SLC35F1: variants seen among roughly 807,000 people sequenced by gnomAD.
The protein encoded by SLC35F1 is solute carrier family 35 member F1, also known as chromosome 6 open reading frame 169.
In SLC35F1, 14 loss-of-function variants were observed where a neutral mutation model predicts 48.7. The observed-to-expected ratio is 0.29, with a 90% CI of 0.19 to 0.45. The LOEUF is 0.45. SLC35F1 is among the 20% of genes least tolerant of loss of function. SLC35F1 has a pLI of 1.00. For synonymous variants in SLC35F1, 190 were observed against 202.2 expected, an observed-to-expected ratio of 0.94 and a Z score of 0.51; for missense variants, 404 against 500.0, an observed-to-expected ratio of 0.81 and a Z score of 1.83.
chr6:118,269,587 A>G (rs1489645842), intron 4 of SLC35F1, among the ~76,000 whole-genome samples: 1 of 152,242 alleles, frequency 6.6e-6, no homozygotes, highest in East Asian at 1.9e-4. Context: ...TTTGAGGTCA[A>G]TAGAATCCTA....
chr6:118,202,700 A>G (rs1236748744), intron 2 of SLC35F1, among the ~76,000 whole-genome samples: 6 of 152,190 alleles, frequency 3.9e-5, no homozygotes, highest in Non-Finnish European at 2.9e-5. Flanking sequence ...TAGTGAAAGG[A>G]GACAGACAAC....
intron 4 of SLC35F1, among the ~76,000 whole-genome samples, chr6:118,269,186 G>T (rs1262406268): frequency 6.6e-6 from 1 of 152,186 alleles, no homozygotes; most frequent in Non-Finnish European, 1.5e-5. Context: ...AAGCAAAACT[G>T]CTTAAGAAAA....
chr6:118,143,278 A>G (rs1334463236), intron 1 of SLC35F1, among the ~76,000 whole-genome samples: 2 of 152,218 alleles, frequency 1.3e-5, no homozygotes, highest in East Asian at 3.8e-4. Context: ...GTTCACTAAC[A>G]TAATTCAAAA....
Position 117,923,657 on chromosome 6 carries a change from A to ATATACATATG in SLC35F1, c.173+15759_173+15760insATACATATGT, listed in dbSNP as rs1554216685. The stretch of plus-strand genomic sequence containing the variant: ...TATGTACATATGTACATATGTACAT[A>ATATACATATG]TGTATATATACATATATGTACATAT... On this transcript the variant is annotated intron_variant, in intron 1 of 7. Coordinates refer to ENST00000360388, the MANE Select transcript of SLC35F1 (RefSeq NM_001029858.4). 1.4e-4 allele frequency among the ~76,000 whole-genome samples: 11 copies of ATATACATATG among 76,204 alleles called. 3 individuals carry two copies. Among genetic ancestry groups the ATATACATATG allele is most frequent in the African/African-American group, 4.3e-4 (9 of 20,818 alleles). 50.0% of individuals were successfully genotyped at this position (76,204 alleles called of 152,430 possible). A position where few individuals can be genotyped will look rare whatever the true frequency, so the allele number is the denominator to read the frequency against.
At chr6:117,999,116 A>T in intron 1 of SLC35F1, 1 of 1,583,158 alleles carries the variant, frequency 6.3e-7, no homozygotes, top group Non-Finnish European at 8.6e-7. Flanking sequence ...CTTTGCCAAG[A>T]AGCACAACAA....
intron 6 of SLC35F1, among the ~76,000 whole-genome samples, chr6:118,278,208 T>G (rs1032426385): frequency 6.6e-6 from 1 of 152,162 alleles, no homozygotes; most frequent in African/African-American, 2.4e-5. Flanking sequence ...CAGCAAGCCC[T>G]AAAAGGGACT....
intron 4 of SLC35F1, among the ~76,000 whole-genome samples, chr6:118,268,600 A>ATTTTTT (rs139088554): frequency 4.6e-5 from 4 of 87,878 alleles, no homozygotes; most frequent in East Asian, 6.6e-4. Flanking sequence ...ATATATATAT[A>ATTTTTT]TTTTTTTTTT....
chr6:118,081,210 G>A (rs73525694), intron 1 of SLC35F1, among the ~76,000 whole-genome samples: 4,337 of 152,090 alleles, frequency 0.029, 210 homozygotes, highest in African/African-American at 0.1. Context: ...TTTTATATTT[G>A]GGACAAACCT....
chr6:118,314,087 C>G lies in SLC35F1; in HGVS notation c.1062C>G (p.Ser354=). The change falls in exon 8 of 8, where the codon TCC becomes TCG. Residue 354 remains serine (S), a synonymous_variant. Coordinates refer to ENST00000360388, the MANE Select transcript of SLC35F1 (RefSeq NM_001029858.4). ...FTILIGLVLY[S]STSTYIAQDP... ...TCCTCATTGGGCTGGTGCTCTACTCCTCCACCTCCACCTACATAGCCCAGG... is the reference window on the plus strand; with the variant it reads ...TCCTCATTGGGCTGGTGCTCTACTCGTCCACCTCCACCTACATAGCCCAGG... 6.2e-7 allele frequency: 1 copy of G among 1,614,182 alleles called. No homozygotes were observed. The highest frequency in any genetic ancestry group is 8.5e-7 in the Non-Finnish European group (1 of 1,180,032).
chr6:118,007,211 G>A (rs1316592240), intron 1 of SLC35F1, among the ~76,000 whole-genome samples: 1 of 152,086 alleles, frequency 6.6e-6, no homozygotes. Context: ...TACACACGGT[G>A]GGGGAGCTGA....
chr6:117,917,888 A>G (rs1008096070), intron 1 of SLC35F1, among the ~76,000 whole-genome samples: 4 of 152,234 alleles, frequency 2.6e-5, no homozygotes, highest in Middle Eastern at 3.4e-3. Context: ...CCTCAAACAC[A>G]GAAGGACTCA....
chr6:118,294,307 C>T (rs1318765831), intron 7 of SLC35F1, among the ~76,000 whole-genome samples: 3 of 152,090 alleles, frequency 2.0e-5, no homozygotes, highest in Non-Finnish European at 4.4e-5. Context: ...TTCTTTGATT[C>T]CTTTATTGCT....
chr6:118,132,289 G>A (rs185432043), intron 1 of SLC35F1, among the ~76,000 whole-genome samples: 1 of 152,348 alleles, frequency 6.6e-6, no homozygotes, highest in East Asian at 1.9e-4. Flanking sequence ...AAGTTGTGAT[G>A]TGAGGAAAGC....
intron 2 of SLC35F1, among the ~76,000 whole-genome samples, chr6:118,171,080 A>C (rs1774397222): frequency 6.6e-6 from 1 of 152,008 alleles, no homozygotes; most frequent in African/African-American, 2.4e-5. Flanking sequence ...TCTGTCACCC[A>C]AGCTGGAGTG....
At chr6:118,082,843 G>A (rs1417815819) in intron 1 of SLC35F1, among the ~76,000 whole-genome samples, 2 of 152,160 alleles carry the variant, frequency 1.3e-5, no homozygotes, top group Non-Finnish European at 2.9e-5. Flanking sequence ...CTCAGGGAAA[G>A]CTTTGATTGG....
chr6:118,238,118 C>A (rs1775389665), intron 3 of SLC35F1, among the ~76,000 whole-genome samples: 1 of 152,138 alleles, frequency 6.6e-6, no homozygotes, highest in South Asian at 2.1e-4. Flanking sequence ...CTTAAACACA[C>A]ACACAATTTG....
intron 2 of SLC35F1, among the ~76,000 whole-genome samples, chr6:118,219,852 G>A (rs1775123055): frequency 6.6e-6 from 1 of 152,198 alleles, no homozygotes; most frequent in African/African-American, 2.4e-5. Context: ...AAAAGGATGA[G>A]TTCATGTCCT....
In SLC35F1 at chr6:118,094,706, G is replaced by T. The variant is rs534433661; in HGVS notation, c.174-59739G>T. ...ACTGAGGCCCCATGTGGTGGCTCAT[G>T]TCTGTAATCCCAGCACTTTGGGAGG... On this transcript the variant is annotated intron_variant, in intron 1 of 7. Transcript: ENST00000360388. Among the ~76,000 whole-genome samples the T allele has an allele frequency of 5.3e-5, 8 of 152,250 alleles. No individual in the cohort carries two copies. The South Asian group carries it at 1.7e-3, about 32-fold the overall frequency.
At chr6:118,187,345 GC>G in intron 2 of SLC35F1, among the ~76,000 whole-genome samples, 1 of 152,196 alleles carries the variant, frequency 6.6e-6, no homozygotes, top group East Asian at 1.9e-4. Context: ...TTAATGCCAA[GC>G]CCCCTTCCCT....
Sources: allele counts gnomAD v4.1 joint callset (sites outside exome capture counted in the v4.1 genomes callset), GRCh38; gene constraint gnomAD v4.1.1; transcripts MANE v1.5; gene names NCBI Gene and HGNC (gene_info 2026-07-23, HGNC 2026-07-21).